The following CFAP57 variants were observed in gnomAD, a reference collection of about 807,000 sequenced individuals.
CFAP57 encodes cilia- and flagella-associated protein 57.
In CFAP57, 116 loss-of-function variants were observed where a neutral mutation model predicts 146.8. The ratio of observed to expected loss-of-function variants is 0.79; its 90% confidence interval spans 0.68 to 0.92. The LOEUF is 0.92. CFAP57 is among the 40% of genes least tolerant of loss of function. CFAP57 has a pLI of 0.00. For missense variants in CFAP57, 1,377 were observed against 1,527.2 expected (o/e 0.90, Z 1.64); for synonymous variants, 518 against 552.8 (o/e 0.94, Z 0.88).
chr1:43,181,835 C>T lies in CFAP57; in HGVS notation c.459C>T (p.Asn153=). Residue 153 remains asparagine (N), a synonymous_variant, in exon 3 of 23, where the codon AAC becomes AAT. Coordinates refer to ENST00000372492, the MANE Select transcript of CFAP57 (RefSeq NM_001378189.1). The stretch of plus-strand genomic sequence containing the variant: ...CCATTGTTAGAATCGACACTCAGAA[C>T]AACCCTGTCTACCAGGTACCTAGTA... The part of the protein sequence containing the change: ...VMAIVRIDTQ[N]NPVYQVSFSP... 6.2e-7 allele frequency: 1 copy of T among 1,614,178 alleles called. No homozygotes were observed. Among genetic ancestry groups the T allele is most frequent in the Non-Finnish European group, 8.5e-7 (1 of 1,180,034 alleles).
chr1:43,175,803 A>ACGTT (rs983933474), intron 2 of CFAP57, among the ~76,000 whole-genome samples: 1 of 145,122 alleles, frequency 6.9e-6, no homozygotes, highest in Admixed American at 6.9e-5. Context: ...ACCACACCTG[A>ACGTT]CGTTCATGTT....
intron 9 of CFAP57, chr1:43,206,435 C>A: frequency 2.7e-6 from 1 of 365,846 alleles, no homozygotes; most frequent in Non-Finnish European, 5.0e-6. Flanking sequence ...GAAAAAACAG[C>A]AATAATTGGT....
At position 43,234,396 on chromosome 1, in the gene CFAP57, G is replaced by A. The variant is rs749440223; in HGVS notation, c.3244G>A (p.Val1082Met). Residue 1082 changes from valine (V) to methionine (M), a missense_variant, in exon 20 of 23, where the codon GTG becomes ATG. Val to Met is a conservative substitution (Grantham distance 21). Coordinates refer to ENST00000372492, the MANE Select transcript of CFAP57 (RefSeq NM_001378189.1). Reference sequence around the variant, plus strand: ...GGTTCGAGGTCTCTTTGAGAAGTACGTGCAGCGAGCAGACATGGTAAGCTC... The same window carrying A: ...GGTTCGAGGTCTCTTTGAGAAGTACATGCAGCGAGCAGACATGGTAAGCTC... Reference protein sequence around the residue: ...EKVRGLFEKYVQRADMVEIAG... With the variant: ...EKVRGLFEKYMQRADMVEIAG... 8.5e-5 allele frequency: 132 copies of A among 1,549,492 alleles called. No homozygotes were observed. The highest frequency in any genetic ancestry group is 8.3e-4 in the Middle Eastern group (5 of 6,008).
intron 17 of CFAP57, 71 bp from the exon 18 acceptor site, chr1:43,226,912 T>A (rs1645264318): frequency 1.4e-6 from 2 of 1,415,858 alleles, no homozygotes; most frequent in Admixed American, 6.0e-5. Flanking sequence ...CTTCGTGCTC[T>A]TTTGCCCTAA....
At chr1:43,222,356 G>T in intron 15 of CFAP57, 61 bp downstream of exon 15, 1 of 1,356,202 alleles carries the variant, frequency 7.4e-7, no homozygotes, top group Non-Finnish European at 9.6e-7. Flanking sequence ...CATTCACTCA[G>T]ATCTCCATGG....
At chr1:43,175,048 G>A (rs1296772559) in intron 2 of CFAP57, among the ~76,000 whole-genome samples, 2 of 152,008 alleles carry the variant, frequency 1.3e-5, no homozygotes, top group Non-Finnish European at 2.9e-5. Context: ...CCTCATTTCT[G>A]AAAGATAGTT....
At chr1:43,227,189 T>A (rs1034220772) in intron 18 of CFAP57, 63 bp downstream of exon 18, 2 of 1,442,172 alleles carry the variant, frequency 1.4e-6, no homozygotes, top group Non-Finnish European at 1.8e-6. Context: ...CACAATTGGC[T>A]AGCTGGCCTC....
At chr1:43,191,539 A>T (rs1404064323) in intron 6 of CFAP57, among the ~76,000 whole-genome samples, 3 of 147,450 alleles carry the variant, frequency 2.0e-5, no homozygotes, top group African/African-American at 7.6e-5. Context: ...GTGAGCCAAG[A>T]TCGTGCCACT....
At chr1:43,219,355 C>A in intron 12 of CFAP57, 27 bp from the exon 13 acceptor site, 2 of 1,540,474 alleles carry the variant, frequency 1.3e-6, no homozygotes, top group South Asian at 2.4e-5. Flanking sequence ...TGTCAGTGTT[C>A]TTGATCCTTC....
At chr1:43,239,807 T>C (rs888098942) in intron 21 of CFAP57, among the ~76,000 whole-genome samples, 3 of 152,206 alleles carry the variant, frequency 2.0e-5, no homozygotes, top group Non-Finnish European at 4.4e-5. Flanking sequence ...CCCCTGTGGC[T>C]CTAAGACCTT....
At chr1:43,239,231 CGTGAATGA>C (rs1254849291) in intron 21 of CFAP57, among the ~76,000 whole-genome samples, 1 of 144,010 alleles carries the variant, frequency 6.9e-6, no homozygotes, top group Non-Finnish European at 1.5e-5. Flanking sequence ...TACATGAATA[CGTGAATGA>C]ATGAATGAAT....
At chr1:43,224,967 G>A (rs1440183857) in intron 17 of CFAP57, among the ~76,000 whole-genome samples, 2 of 152,196 alleles carry the variant, frequency 1.3e-5, no homozygotes, top group African/African-American at 2.4e-5. Context: ...ACCACCTCAA[G>A]GGGTCTTGTA....
At position 43,186,769 on chromosome 1, in the gene CFAP57, G is replaced by T. The variant is rs773792317; in HGVS notation, c.1032G>T (p.Leu344=). Residue 344 remains leucine (L), a synonymous_variant, in exon 6 of 23, where the codon CTG becomes CTT. Coordinates refer to ENST00000372492, the MANE Select transcript of CFAP57 (RefSeq NM_001378189.1). ...SQSDKQDVLC[L]CFSPSEETLV... is the part of the protein sequence containing the mutation. ...CTGACAAACAGGACGTTCTCTGCCT[G>T]TGCTTCAGCCCCTCAGAGGAAACTC... 1.2e-6 allele frequency: 2 copies of T among 1,614,174 alleles called. No individual in the cohort carries two copies. Among genetic ancestry groups the T allele is most frequent in the South Asian group, 2.2e-5 (2 of 91,082 alleles).
At chr1:43,196,718 G>GT (rs778380378) in intron 6 of CFAP57, among the ~76,000 whole-genome samples, 1 of 152,200 alleles carries the variant, frequency 6.6e-6, no homozygotes, top group Non-Finnish European at 1.5e-5. Context: ...AACCAGTGCA[G>GT]TAGGATGCAT....
chr1:43,216,539 G>A (rs1268826500), intron 12 of CFAP57, among the ~76,000 whole-genome samples: 1 of 152,088 alleles, frequency 6.6e-6, no homozygotes, highest in Admixed American at 6.5e-5. Flanking sequence ...GCCTGAAGGT[G>A]CCCAAGCTGG....
In CFAP57 at chr1:43,219,460, A is replaced by T. The variant is rs1489499039; in HGVS notation, c.2170A>T (p.Met724Leu). 6.4e-7 allele frequency: 1 copy of T among 1,550,642 alleles called. No individual in the cohort carries two copies. The highest frequency in any genetic ancestry group is 2.0e-5 in the Admixed American group (1 of 51,012). ...ENEYQLRLKD[M>L]NYSEKIKELT... Reference sequence around the variant, plus strand: ...TGAGTATCAACTCCGACTAAAGGACATGAACTATTCTGAGAAGATTAAGGA... The same window carrying T: ...TGAGTATCAACTCCGACTAAAGGACTTGAACTATTCTGAGAAGATTAAGGA... Residue 724 changes from methionine to leucine, a missense_variant, in exon 13 of 23, where the codon ATG becomes TTG. By Grantham distance (15) the Met-to-Leu change is conservative. Transcript: ENST00000372492.
At position 43,206,809 on chromosome 1, in the gene CFAP57, A is replaced by G. The variant is rs748969110; in HGVS notation, c.1632A>G (p.Gly544=). 2.5e-6 allele frequency: 4 copies of G among 1,614,160 alleles called. No individual in the cohort carries two copies. In the Admixed American group the frequency reaches 6.7e-5, roughly 27 times the overall value. ...TGTATGAATGGAATCTGTCCACAGGAAAGAGAGAGACAGAATGCGTGCTCA... is the reference window on the plus strand; with the variant it reads ...TGTATGAATGGAATCTGTCCACAGGGAAGAGAGAGACAGAATGCGTGCTCA... ...GAVYEWNLST[G]KRETECVLKS... Residue 544 remains glycine (G), a synonymous_variant, in exon 10 of 23, where the codon GGA becomes GGG. Transcript: ENST00000372492.
At chr1:43,218,014 A>G (rs1395332461) in intron 12 of CFAP57, among the ~76,000 whole-genome samples, 1 of 152,082 alleles carries the variant, frequency 6.6e-6, no homozygotes, top group African/African-American at 2.4e-5. Context: ...TGCACGTGCA[A>G]TTTGTGCTTA....
intron 12 of CFAP57, among the ~76,000 whole-genome samples, chr1:43,215,978 C>A (rs1644818357): frequency 1.3e-5 from 2 of 152,182 alleles, no homozygotes. Flanking sequence ...ACCAAAGGGA[C>A]ATCCCTTCCT....
Sources: allele counts gnomAD v4.1 joint callset (sites outside exome capture counted in the v4.1 genomes callset), GRCh38; gene constraint gnomAD v4.1.1; transcripts MANE v1.5; gene names NCBI Gene and HGNC (gene_info 2026-07-23, HGNC 2026-07-21).